ZNF492: variants seen among roughly 807,000 people sequenced by gnomAD.
ZNF492 encodes the protein zinc finger protein 115 (Y20).
ZNF492 carries 3 observed loss-of-function variants against 6.4 expected under a neutral mutation model. That is an observed-to-expected ratio of 0.47 (90% confidence interval 0.21 to 1.22). The LOEUF is 1.22. ZNF492 is among the 50% of genes most tolerant of loss of function. The pLI is 0.22. For missense variants in ZNF492, 356 were observed against 612.5 expected (o/e 0.58, Z 4.42); for synonymous variants, 112 against 205.3 (o/e 0.55, Z 3.89).
In ZNF492 at chr19:22,666,691, A is replaced by G. The variant is rs1287276379; in HGVS notation, c.*1426A>G. ...AGTGATGCATGAGGTAGGTGTTCTGAGTAATATTCTGCATTATATTGAGAG... is the reference window on the plus strand; with the variant it reads ...AGTGATGCATGAGGTAGGTGTTCTGGGTAATATTCTGCATTATATTGAGAG... On this transcript the variant is annotated 3_prime_UTR_variant, in exon 4 of 4. Transcript: ENST00000456783. 1 of 152,068 alleles carries G rather than the reference A, an allele frequency of 6.6e-6. No individual in the cohort carries two copies. Among genetic ancestry groups the G allele is most frequent in the African/African-American group, 2.4e-5 (1 of 41,354 alleles). 9.4% of individuals were successfully genotyped at this position (152,068 alleles called of 1,614,324 possible).
intron 1 of ZNF492, among the ~76,000 whole-genome samples, chr19:22,641,976 G>T (rs1286955580): frequency 6.6e-6 from 1 of 151,944 alleles, no homozygotes; most frequent in Non-Finnish European, 1.5e-5. Flanking sequence ...TGTGTTTTTA[G>T]TACAGACGGG....
At chr19:22,653,796 G>A (rs3745119) in intron 2 of ZNF492, 124 bp from the exon 3 acceptor site, 90,558 of 906,990 alleles carry the variant, frequency 0.1, 4,259 homozygotes, top group Middle Eastern at 0.15. Context: ...AAAATTTTTT[G>A]TTGTGTATTA....
chr19:22,666,627 CTAAG>C lies in ZNF492; in HGVS notation c.*1366_*1369del, dbSNP rs1416769102. 2.0e-5 allele frequency: 3 copies of C among 152,078 alleles called. No homozygotes were observed. Among genetic ancestry groups the C allele is most frequent in the Non-Finnish European group, 4.4e-5 (3 of 68,020 alleles). The allele number at this position is 152,078 out of a possible 1,614,324, so 9.4% of individuals were successfully genotyped here. On this transcript the variant is annotated 3_prime_UTR_variant, in exon 4 of 4. Transcript: ENST00000456783. Reference sequence around the variant, plus strand: ...GGACATTAAAATGCATGATGAAAATCTAAGTAAAGAGGTTCTTTGTGATTCACTT... The same window carrying C: ...GGACATTAAAATGCATGATGAAAATCTAAAGAGGTTCTTTGTGATTCACTT...
chr19:22,661,889 C>G (rs1359694820), intron 3 of ZNF492, among the ~76,000 whole-genome samples: 1 of 152,166 alleles, frequency 6.6e-6, no homozygotes, highest in Non-Finnish European at 1.5e-5. Flanking sequence ...AACCACCAAA[C>G]TCCTTCTTAA....
Position 22,664,310 on chromosome 19 carries a change from C to T in ZNF492, c.641C>T (p.Thr214Ile). ...TTTAACCGGCTCTCACACCTTACTA[C>T]ACATAAGATAATTCATACTGGAAAG... Reference protein sequence around the residue: ...KAFNRLSHLTTHKIIHTGKKP... With the variant: ...KAFNRLSHLTIHKIIHTGKKP... Residue 214 changes from threonine (T) to isoleucine (I), a missense_variant, in exon 4 of 4, where the codon ACA (threonine) becomes ATA (isoleucine). Coordinates refer to ENST00000456783, the MANE Select transcript of ZNF492 (RefSeq NM_020855.3). The T allele has an allele frequency of 1.3e-6, 2 of 1,576,222 alleles. No homozygotes were observed. The highest frequency in any genetic ancestry group is 1.7e-6 in the Non-Finnish European group (2 of 1,161,802).
Position 22,665,457 on chromosome 19 carries a change from G to C in ZNF492, c.*192G>C. Reference sequence around the variant, plus strand: ...GTACAAATATAAAGAAAGTAAAAAAGTGATTAATATCTGTGCACATCTTAT... The same window carrying C: ...GTACAAATATAAAGAAAGTAAAAAACTGATTAATATCTGTGCACATCTTAT... On this transcript the variant is annotated 3_prime_UTR_variant, in exon 4 of 4. Coordinates refer to ENST00000456783, the MANE Select transcript of ZNF492 (RefSeq NM_020855.3). The C allele has an allele frequency of 8.4e-7, 1 of 1,185,748 alleles. No individual in the cohort carries two copies. The allele number at this position is 1,185,748 out of a possible 1,614,324, so 73.5% of individuals were successfully genotyped here.
intron 1 of ZNF492, among the ~76,000 whole-genome samples, chr19:22,646,832 T>G (rs1971882140): frequency 6.6e-6 from 1 of 152,220 alleles, no homozygotes; most frequent in African/African-American, 2.4e-5. Context: ...TTGATTTGCA[T>G]ATGTTGAACC....
intron 1 of ZNF492, among the ~76,000 whole-genome samples, chr19:22,646,684 A>G (rs1212205603): frequency 3.3e-5 from 5 of 152,200 alleles, no homozygotes; most frequent in Non-Finnish European, 7.3e-5. Context: ...ATTTTGAGAT[A>G]TGTTCCATTA....
At chr19:22,659,606 A>T (rs1469157573) in intron 3 of ZNF492, among the ~76,000 whole-genome samples, 1 of 150,368 alleles carries the variant, frequency 6.7e-6, no homozygotes, top group African/African-American at 2.5e-5. Context: ...AGAGAGAGAG[A>T]CGTGTATACA....
chr19:22,661,604 T>C (rs1180756380), intron 3 of ZNF492, among the ~76,000 whole-genome samples: 19 of 98,298 alleles, frequency 1.9e-4, no homozygotes, highest in Admixed American at 1.8e-3. Context: ...GTTTCTCTTC[T>C]TTTTTTTTTG....
At chr19:22,662,881 G>C (rs1293654336) in intron 3 of ZNF492, among the ~76,000 whole-genome samples, 1 of 151,930 alleles carries the variant, frequency 6.6e-6, no homozygotes, top group Non-Finnish European at 1.5e-5. Context: ...CCATTCTGTA[G>C]GTTGCCTGTT....
rs769542838 is a variant in ZNF492, at chr19:22,664,013, G to A, written c.344G>A (p.Cys115Tyr). 150 of 1,609,496 alleles carry A rather than the reference G, an allele frequency of 9.3e-5. No homozygotes were observed. Among genetic ancestry groups the A allele is most frequent in the African/African-American group, 3.5e-4 (26 of 74,870 alleles). The change falls in exon 4 of 4, where the codon TGT becomes TAT. Residue 115 changes from cysteine to tyrosine, a missense_variant. Physicochemically the swap from Cys to Tyr is radical, Grantham distance 194 (BLOSUM62 -2). Around this residue, in one of 7 missense-constraint regions of ZNF492, gnomAD observed 196 missense variants for 219.4 expected, o/e 0.89. Transcript: ENST00000456783. ...ACTACCCAGAACAAAATATTTCAAT[G>A]TGACAAATATGTGAAAGTCTTTCAT... is the stretch of plus-strand genomic sequence containing the variant. ...LTTTQNKIFQ[C>Y]DKYVKVFHKF...
rs1383207073 is a variant in ZNF492, at chr19:22,664,037, A to G, written c.368A>G (p.His123Arg). ...TGTGACAAATATGTGAAAGTCTTTC[A>G]TAAATTTTCAAATTCAAACAGACAT... Reference protein sequence around the residue: ...FQCDKYVKVFHKFSNSNRHTI... With the variant: ...FQCDKYVKVFRKFSNSNRHTI... The change falls in exon 4 of 4, where the codon CAT (histidine) becomes CGT (arginine). Residue 123 changes from histidine to arginine, a missense_variant. This residue lies in a region of ZNF492 where 196 missense variants were observed against 219.4 expected (regional missense o/e 0.89). Transcript: ENST00000456783. 1 of 1,605,568 alleles carries G rather than the reference A, an allele frequency of 6.2e-7. No homozygotes were observed. Among genetic ancestry groups the G allele is most frequent in the African/African-American group, 1.3e-5 (1 of 74,812 alleles).
chr19:22,655,903 C>A (rs1971992349), intron 3 of ZNF492, among the ~76,000 whole-genome samples: 1 of 138,206 alleles, frequency 7.2e-6, no homozygotes, highest in Non-Finnish European at 1.5e-5. Context: ...CGGCTCACTG[C>A]AACCTCCACC....
chr19:22,640,015 A>G (rs1971810251), intron 1 of ZNF492, among the ~76,000 whole-genome samples: 2 of 152,094 alleles, frequency 1.3e-5, no homozygotes, highest in Non-Finnish European at 1.5e-5. Flanking sequence ...ATTTTGAAGT[A>G]TGCACCTTCC....
rs533851806 is a variant in ZNF492, at chr19:22,663,539, T to C, written c.131-261T>C. On this transcript the variant is annotated intron_variant, in intron 3 of 3. Coordinates refer to ENST00000456783, the MANE Select transcript of ZNF492 (RefSeq NM_020855.3). ...GGGAAGCAGGAAGATCTGCACTGGGTAAATGTAACAGACTTTTCTTTCTTC... is the reference window on the plus strand; with the variant it reads ...GGGAAGCAGGAAGATCTGCACTGGGCAAATGTAACAGACTTTTCTTTCTTC... Among the ~76,000 whole-genome samples the C allele has an allele frequency of 1.1e-4, 17 of 152,300 alleles. No individual in the cohort carries two copies. The South Asian group carries it at 3.3e-3, about 30-fold the overall frequency.
At position 22,666,066 on chromosome 19, in the gene ZNF492, A is replaced by C. The variant is rs1418348876; in HGVS notation, c.*801A>C. ...AGATTACAGATTTTTTTTAAAAGTA[A>C]ATAACTCTCAAATTACTTCATACAA... On this transcript the variant is annotated 3_prime_UTR_variant, in exon 4 of 4. Transcript: ENST00000456783. The C allele has an allele frequency of 6.6e-6, 1 of 152,128 alleles. No individual in the cohort carries two copies. The highest frequency in any genetic ancestry group is 1.5e-5 in the Non-Finnish European group (1 of 68,020). 9.4% of individuals were successfully genotyped at this position (152,128 alleles called of 1,614,324 possible).
At chr19:22,659,265 A>T (rs3906656) in intron 3 of ZNF492, among the ~76,000 whole-genome samples, 20,337 of 140,488 alleles carry the variant, frequency 0.14, 937 homozygotes, top group African/African-American at 0.26. Context: ...TTTTAAAAAA[A>T]CTGGTAAGAC....
At position 22,664,014 on chromosome 19, in the gene ZNF492, T is replaced by C. The variant is rs1325162538; in HGVS notation, c.345T>C (p.Cys115=). 1.2e-6 allele frequency: 2 copies of C among 1,609,404 alleles called. No homozygotes were observed. The highest frequency in any genetic ancestry group is 1.7e-6 in the Non-Finnish European group (2 of 1,177,556). Residue 115 remains cysteine (C), a synonymous_variant, in exon 4 of 4, where the codon TGT becomes TGC. Transcript: ENST00000456783. ...LTTTQNKIFQ[C]DKYVKVFHKF... is the part of the protein sequence containing the mutation. The stretch of plus-strand genomic sequence containing the variant: ...CTACCCAGAACAAAATATTTCAATG[T>C]GACAAATATGTGAAAGTCTTTCATA...
Sources: gnomAD v4.1 joint callset for allele counts (sites outside exome capture counted in the v4.1 genomes callset) on GRCh38, gnomAD v4.1.1 for gene constraint, gnomAD v4.1.1 regional missense constraint, MANE v1.5 for transcripts, NCBI Gene and HGNC (gene_info 2026-07-23, HGNC 2026-07-21) for gene names.